PUS7: variants seen among roughly 807,000 people sequenced by gnomAD.
PUS7 encodes pseudouridylate synthase 7 homolog.
Under a neutral mutation model 79.8 loss-of-function variants are expected in PUS7, and 48 were observed. That is an observed-to-expected ratio of 0.60 (90% CI 0.48 to 0.76). The LOEUF is 0.76. Among genes scored for constraint, PUS7 ranks in the 30% least tolerant of loss-of-function variants. The pLI is 0.00. For synonymous variants in PUS7, 286 were observed against 272.2 expected (o/e 1.05, Z -0.50); for missense variants, 729 against 797.6 (o/e 0.91, Z 1.04).
At chr7:105,514,607 A>AAAAAGAAAAG (rs146058760) in intron 1 of PUS7, among the ~76,000 whole-genome samples, 56 of 151,462 alleles carry the variant, frequency 3.7e-4, no homozygotes, top group Admixed American at 8.6e-4. Flanking sequence ...CCATCTCAAA[A>AAAAAGAAAAG]AAAAGAAAAG....
intron 14 of PUS7, among the ~76,000 whole-genome samples, chr7:105,461,522 C>T (rs1024985882): frequency 6.6e-6 from 1 of 152,146 alleles, no homozygotes; most frequent in Admixed American, 6.6e-5. Flanking sequence ...CCCGGCTTAG[C>T]TTCATTTACT....
rs140078285 is a variant in PUS7, at chr7:105,488,335, C to T, written c.920+3205G>A. On this transcript the variant is annotated intron_variant, in intron 7 of 15. Transcript: ENST00000469408. ...TCATAACACCATGCTGAGGAAGATT[C>T]TAGGGAACCAGAATAAAGGTGGTAA... Among the ~76,000 whole-genome samples, 371 of 152,008 alleles carry T rather than the reference C, an allele frequency of 2.4e-3. 3 individuals are homozygous for T. Among genetic ancestry groups the T allele is most frequent in the African/African-American group, 8.6e-3 (355 of 41,430 alleles).
intron 5 of PUS7, among the ~76,000 whole-genome samples, chr7:105,496,192 CACACATAT>C (rs1197669831): frequency 9.7e-4 from 24 of 24,712 alleles, no homozygotes; most frequent in African/African-American, 4.2e-3. Flanking sequence ...TCTACACACA[CACACATAT>C]ATATATATAT....
chr7:105,462,867 C>T, intron 13 of PUS7, 117 bp from the exon 14 acceptor site: 1 of 951,594 alleles, frequency 1.1e-6, no homozygotes, highest in Non-Finnish European at 1.6e-6. Flanking sequence ...TAAAATTAGT[C>T]ACCTTAATTT....
In PUS7 at chr7:105,468,403, T is replaced by C; in HGVS notation, c.1459A>G (p.Met487Val). 7 of 1,613,698 alleles carry C rather than the reference T, an allele frequency of 4.3e-6. No individual in the cohort carries two copies. Among genetic ancestry groups the C allele is most frequent in the Non-Finnish European group, 5.1e-6 (6 of 1,179,684 alleles). The change falls in exon 12 of 16, where the codon ATG becomes GTG. Residue 487 changes from methionine (M) to valine (V), a missense_variant. Physicochemically the swap from Met to Val is conservative, Grantham distance 21 (BLOSUM62 1). Coordinates refer to ENST00000469408, the MANE Select transcript of PUS7 (RefSeq NM_019042.5). ...TAGTCTTCTATCCTCTTGCTTACCA[T>C]GTTATTCCACACATAGCTTTGGTAG... ...HSYQSYVWNN[M>V]VSKRIEDYGL... is the part of the protein sequence containing the mutation.
intron 1 of PUS7, among the ~76,000 whole-genome samples, chr7:105,518,679 G>A (rs1257155202): frequency 4.6e-5 from 7 of 152,094 alleles, no homozygotes; most frequent in East Asian, 1.9e-4. Context: ...GTGCACCACC[G>A]CCCAGGCCAA....
In PUS7 at chr7:105,509,184, C is replaced by CAAAAAAAA. The variant is rs57095427; in HGVS notation, c.-32-648_-32-641dup. Among the ~76,000 whole-genome samples, 328 of 55,704 alleles carry CAAAAAAAA rather than the reference C, an allele frequency of 5.9e-3. 18 individuals carry two copies. Among genetic ancestry groups the CAAAAAAAA allele is most frequent in the South Asian group, 9.7e-3 (9 of 932 alleles). The allele number at this position is 55,704 out of a possible 152,430, so 36.5% of individuals were successfully genotyped here. On this transcript the variant is annotated intron_variant, in intron 1 of 15. Coordinates refer to ENST00000469408, the MANE Select transcript of PUS7 (RefSeq NM_019042.5). ...GGGGGACCAGAGCAAGACTCCATCT[C>CAAAAAAAA]AAAAAAAAAAAAAAAAAAAAAAAAA...
intron 7 of PUS7, among the ~76,000 whole-genome samples, chr7:105,486,673 G>C (rs995124038): frequency 6.6e-6 from 1 of 152,102 alleles, no homozygotes; most frequent in Non-Finnish European, 1.5e-5. Context: ...GTCCTAGAGA[G>C]AGTGTTCCGG....
intron 9 of PUS7, among the ~76,000 whole-genome samples, chr7:105,479,527 A>C (rs1586120503): frequency 6.6e-6 from 1 of 152,338 alleles, no homozygotes; most frequent in East Asian, 1.9e-4. Flanking sequence ...TAATTAGTTT[A>C]TGTAACAGAG....
At chr7:105,502,077 C>A (rs1238667056) in intron 5 of PUS7, among the ~76,000 whole-genome samples, 16 of 151,898 alleles carry the variant, frequency 1.1e-4, no homozygotes, top group Middle Eastern at 3.4e-3. Context: ...ATGAAGAACA[C>A]AGAATGAGCA....
intron 1 of PUS7, among the ~76,000 whole-genome samples, chr7:105,511,183 G>A (rs964702313): frequency 3.1e-5 from 4 of 130,426 alleles, no homozygotes; most frequent in African/African-American, 7.6e-5. Context: ...AGGCACGCCC[G>A]CCACTATGCC....
intron 9 of PUS7, among the ~76,000 whole-genome samples, chr7:105,475,234 A>G (rs10272665): frequency 0.45 from 67,582 of 151,510 alleles, 15,574 homozygotes; most frequent in East Asian, 0.72. Flanking sequence ...CACCCAGGCT[A>G]GAGTGCAGTG....
At chr7:105,461,905 T>C (rs1351667679) in intron 14 of PUS7, among the ~76,000 whole-genome samples, 2 of 152,072 alleles carry the variant, frequency 1.3e-5, no homozygotes, top group African/African-American at 4.8e-5. Context: ...AGGCTGGATG[T>C]GGTGGCTCAT....
intron 15 of PUS7, among the ~76,000 whole-genome samples, chr7:105,458,332 C>T (rs927087848): frequency 6.6e-6 from 1 of 151,962 alleles, no homozygotes; most frequent in Non-Finnish European, 1.5e-5. Flanking sequence ...GTAATCTCAG[C>T]TCACTGCAGC....
chr7:105,508,343 T>A lies in PUS7; in HGVS notation c.170A>T (p.Asp57Val), dbSNP rs1470771705. Residue 57 changes from aspartate (D) to valine (V), a missense_variant, in exon 2 of 16, where the codon GAC becomes GTC. By Grantham distance (152) the Asp-to-Val change is radical (BLOSUM62 -3). Transcript: ENST00000469408. ...LQNDFLSISE[D>V]VPRPPDTVST... ...GACAGTGTCAGGAGGCCGAGGCACG[T>A]CTTCACTGATGGACAGAAAGTCATT... The A allele has an allele frequency of 6.2e-7, 1 of 1,614,102 alleles. No individual in the cohort carries two copies. Among genetic ancestry groups the A allele is most frequent in the Admixed American group, 1.7e-5 (1 of 59,988 alleles).
At chr7:105,460,992 C>T (rs1823404948) in intron 14 of PUS7, among the ~76,000 whole-genome samples, 1 of 152,144 alleles carries the variant, frequency 6.6e-6, no homozygotes, top group African/African-American at 2.4e-5. Context: ...ATTGGCCTCC[C>T]AAACAGCTGG....
At chr7:105,499,321 T>C (rs1228770397) in intron 5 of PUS7, among the ~76,000 whole-genome samples, 1 of 152,188 alleles carries the variant, frequency 6.6e-6, no homozygotes, top group Non-Finnish European at 1.5e-5. Flanking sequence ...GAGAGCTTCT[T>C]TGTACCTGTC....
At chr7:105,517,919 G>C (rs1586190208) in intron 1 of PUS7, among the ~76,000 whole-genome samples, 1 of 152,206 alleles carries the variant, frequency 6.6e-6, no homozygotes, top group Non-Finnish European at 1.5e-5. Context: ...GGAGTCCGAG[G>C]TGGGCAGATC....
At chr7:105,508,011 A>T (rs1825540670) in intron 2 of PUS7, 104 bp downstream of exon 2, 4 of 1,399,020 alleles carry the variant, frequency 2.9e-6, no homozygotes, top group Non-Finnish European at 2.8e-6. Context: ...TAGTATAAAC[A>T]AGCCTTGGAG....
Sources: gnomAD v4.1 joint callset for allele counts (sites outside exome capture counted in the v4.1 genomes callset) on GRCh38, gnomAD v4.1.1 for gene constraint, MANE v1.5 for transcripts, NCBI Gene and HGNC (gene_info 2026-07-23, HGNC 2026-07-21) for gene names.